Variants in WDR25 observed in about 807,000 individuals in gnomAD.
WDR25 encodes WD repeat domain 25.
A neutral mutation model predicts 47.7 loss-of-function variants in WDR25; 35 were observed. The observed-to-expected ratio is 0.73, with a 90% CI of 0.56 to 0.97. WDR25 has a LOEUF of 0.97. WDR25 is among the 50% of genes least tolerant of loss of function. WDR25 has a pLI of 0.00. For missense variants in WDR25, 634 were observed against 704.7 expected, an observed-to-expected ratio of 0.90 and a Z score of 1.14; for synonymous variants, 248 against 278.9, an observed-to-expected ratio of 0.89 and a Z score of 1.10.
At chr14:100,377,178 C>G (rs67763462) in intron 1 of WDR25, among the ~76,000 whole-genome samples, 53,553 of 152,186 alleles carry the variant, frequency 0.35, 11,757 homozygotes, top group South Asian at 0.66. Flanking sequence ...CCAGGCTTAG[C>G]ATTTAGAGAA....
chr14:100,421,071 C>T (rs1268410359), intron 2 of WDR25, among the ~76,000 whole-genome samples: 1 of 152,154 alleles, frequency 6.6e-6, no homozygotes, highest in Non-Finnish European at 1.5e-5. Context: ...CTGCATGTCC[C>T]TCGTCTGCAA....
intron 3 of WDR25, among the ~76,000 whole-genome samples, chr14:100,471,409 C>T (rs1007468834): frequency 2.6e-5 from 4 of 152,230 alleles, no homozygotes; most frequent in Non-Finnish European, 5.9e-5. Flanking sequence ...CTTATCTCTG[C>T]ACATCCCACC....
intron 4 of WDR25, among the ~76,000 whole-genome samples, chr14:100,497,046 C>T (rs1445648469): frequency 6.6e-6 from 1 of 152,000 alleles, no homozygotes; most frequent in Non-Finnish European, 1.5e-5. Context: ...ATTGGTCAGG[C>T]TGGAAGATAG....
chr14:100,396,818 T>C (rs1023248116), intron 2 of WDR25, among the ~76,000 whole-genome samples: 4 of 152,220 alleles, frequency 2.6e-5, no homozygotes, highest in Non-Finnish European at 5.9e-5. Flanking sequence ...GTTTTGCTCT[T>C]TTCTGTGCCT....
chr14:100,426,440 T>A (rs1416487727), intron 2 of WDR25, among the ~76,000 whole-genome samples: 1 of 152,260 alleles, frequency 6.6e-6, no homozygotes, highest in Admixed American at 6.5e-5. Flanking sequence ...AAAGCATGAA[T>A]CTTCGACAAT....
At chr14:100,480,197 C>T (rs1900152667) in intron 3 of WDR25, among the ~76,000 whole-genome samples, 1 of 152,192 alleles carries the variant, frequency 6.6e-6, no homozygotes. Context: ...CTTCACTACT[C>T]CCCTCAGGCT....
chr14:100,441,310 T>C (rs1898661812), intron 2 of WDR25, among the ~76,000 whole-genome samples: 1 of 152,038 alleles, frequency 6.6e-6, no homozygotes, highest in African/African-American at 2.4e-5. Context: ...GCTAGAAAGA[T>C]GTTTATGGGG....
chr14:100,522,978 T>A (rs2029931133), intron 4 of WDR25, among the ~76,000 whole-genome samples: 1 of 152,188 alleles, frequency 6.6e-6, no homozygotes, highest in Non-Finnish European at 1.5e-5. Flanking sequence ...GGGCAGGGGC[T>A]GGCTCAATCA....
chr14:100,514,499 A>T (rs1343266646), intron 4 of WDR25, among the ~76,000 whole-genome samples: 1 of 150,774 alleles, frequency 6.6e-6, no homozygotes, highest in Non-Finnish European at 1.5e-5. Flanking sequence ...TTATGATTTC[A>T]TCTTAATCTT....
chr14:100,454,872 C>T (rs544915344), intron 2 of WDR25: 48 of 165,220 alleles, frequency 2.9e-4, no homozygotes, highest in African/African-American at 1.0e-3. Flanking sequence ...TGCTGCACAC[C>T]GCAAGGGAAA....
At position 100,424,689 on chromosome 14, in the gene WDR25, G is replaced by T. The variant is rs1437666265; in HGVS notation, c.822+42943G>T. Among the ~76,000 whole-genome samples, 2 of 152,206 alleles carry T rather than the reference G, an allele frequency of 1.3e-5. No homozygotes were observed. The highest frequency in any genetic ancestry group is 3.9e-4 in the East Asian group (2 of 5,194). ...CAGCCCTTCCTGCCCTGGTGTCTTGGTTTCCTAGAATCTTGGTGCGATTCG... is the reference window on the plus strand; with the variant it reads ...CAGCCCTTCCTGCCCTGGTGTCTTGTTTTCCTAGAATCTTGGTGCGATTCG... On this transcript the variant is annotated intron_variant, in intron 2 of 6. Coordinates refer to ENST00000402312, the MANE Select transcript of WDR25 (RefSeq NM_001161476.3). The surrounding 1 kb of genome is among the most constrained non-coding windows in gnomAD (Gnocchi z 4.2).
chr14:100,479,455 C>T (rs762689512), intron 3 of WDR25, among the ~76,000 whole-genome samples: 6 of 151,428 alleles, frequency 4.0e-5, no homozygotes, highest in Non-Finnish European at 7.4e-5. Flanking sequence ...CCAATTAGAT[C>T]AATTCACCAA....
At position 100,529,299 on chromosome 14, in the gene WDR25, C is replaced by T; in HGVS notation, c.1413+91C>T. Reference sequence around the variant, plus strand: ...ACATGGGCCCTGGGGTGCATGGAGCCTCTGTCTGGGTGGATCCTGCTTTCT... The same window carrying T: ...ACATGGGCCCTGGGGTGCATGGAGCTTCTGTCTGGGTGGATCCTGCTTTCT... On this transcript the variant is annotated intron_variant, in intron 6 of 6. Coordinates refer to ENST00000402312, the MANE Select transcript of WDR25 (RefSeq NM_001161476.3). This position sits in a 1 kb window ranked among gnomAD's most constrained non-coding sequence, Gnocchi z 5.1. 6.4e-7 allele frequency: 1 copy of T among 1,565,384 alleles called. No individual in the cohort carries two copies. Among genetic ancestry groups the T allele is most frequent in the Non-Finnish European group, 8.7e-7 (1 of 1,151,340 alleles).
At position 100,468,792 on chromosome 14, in the gene WDR25, G is replaced by A. The variant is rs7157731; in HGVS notation, c.970+624G>A. 0.55 allele frequency among the ~76,000 whole-genome samples: 83,963 copies of A among 151,712 alleles called. 23,850 individuals carry two copies. The highest frequency in any genetic ancestry group is 0.68 in the Admixed American group (10,435 of 15,268). ...CACAGCCCCCAGGTGGGCTCTCTCC[G>A]GGGTTTACAGTGAGGACTGCCAGGG... On this transcript the variant is annotated intron_variant, in intron 3 of 6. Transcript: ENST00000402312. This position sits in a 1 kb window ranked among gnomAD's most constrained non-coding sequence, Gnocchi z 4.5.
At chr14:100,487,034 T>C (rs916743876) in intron 4 of WDR25, among the ~76,000 whole-genome samples, 3 of 152,156 alleles carry the variant, frequency 2.0e-5, no homozygotes, top group Non-Finnish European at 4.4e-5. Context: ...CACTATTTGG[T>C]TTTATTTGTA....
At chr14:100,507,567 T>C (rs1175355823) in intron 4 of WDR25, among the ~76,000 whole-genome samples, 1 of 152,048 alleles carries the variant, frequency 6.6e-6, no homozygotes, top group Non-Finnish European at 1.5e-5. Flanking sequence ...TTTGTGTCGT[T>C]TATGATTTCT....
rs538301008 is a variant in WDR25, at chr14:100,477,699, C to T, written c.971-6295C>T. Reference sequence around the variant, plus strand: ...TATTTTCCAGACTTTACCCATATCTCTTTAACAAATGTAAAGGGCAGCCCA... The same window carrying T: ...TATTTTCCAGACTTTACCCATATCTTTTTAACAAATGTAAAGGGCAGCCCA... On this transcript the variant is annotated intron_variant, in intron 3 of 6. Transcript: ENST00000402312. Among the ~76,000 whole-genome samples, 8 of 152,338 alleles carry T rather than the reference C, an allele frequency of 5.3e-5. No individual in the cohort carries two copies. In the South Asian group the frequency reaches 1.7e-3, roughly 32 times the overall value.
At chr14:100,450,881 C>T (rs915818066) in intron 2 of WDR25, among the ~76,000 whole-genome samples, 2 of 152,120 alleles carry the variant, frequency 1.3e-5, no homozygotes, top group African/African-American at 2.4e-5. Flanking sequence ...TGACATGCAA[C>T]CCCAAAAGCA....
At chr14:100,484,463 G>GGTGT (rs5810998) in intron 4 of WDR25, among the ~76,000 whole-genome samples, 1 of 150,146 alleles carries the variant, frequency 6.7e-6, no homozygotes, top group East Asian at 2.0e-4. Flanking sequence ...ACAGAGAATT[G>GGTGT]GTGTGTGTGT....
Sources: allele counts gnomAD v4.1 joint callset (sites outside exome capture counted in the v4.1 genomes callset), GRCh38; gene constraint gnomAD v4.1.1; non-coding constraint Gnocchi (gnomAD v3.1); transcripts MANE v1.5; gene names NCBI Gene and HGNC (gene_info 2026-07-23, HGNC 2026-07-21).